Variants in EML4 observed in about 807,000 individuals in gnomAD.
EML4 encodes EMAP like 4.
EML4 carries 72 observed loss-of-function variants against 129.0 expected under a neutral mutation model. That is an observed-to-expected ratio of 0.56 (90% CI 0.46 to 0.68). The LOEUF is 0.68. Among genes scored for constraint, EML4 ranks in the 30% least tolerant of loss-of-function variants. The probability of loss-of-function intolerance (pLI) is 0.00; values close to 1 mark genes in which losing one functional copy is unlikely to be tolerated. For synonymous variants in EML4, 532 were observed against 405.0 expected, an observed-to-expected ratio of 1.31 and a Z score of -3.77; for missense variants, 1,363 against 1,190.6, an observed-to-expected ratio of 1.14 and a Z score of -2.13.
At position 42,282,752 on chromosome 2, in the gene EML4, G is replaced by C. The variant is rs186824337; in HGVS notation, c.792-71G>C. ...TCATTGTACCTTCCTAATTCCTTAA[G>C]TATCCATGAAAAATCTGTTAACAAC... is the stretch of plus-strand genomic sequence containing the variant. On this transcript the variant is annotated intron_variant, in intron 7 of 22. Coordinates refer to ENST00000318522, the MANE Select transcript of EML4 (RefSeq NM_019063.5). 6.8e-6 allele frequency: 9 copies of C among 1,321,514 alleles called. No individual in the cohort carries two copies. In the Admixed American group the frequency reaches 1.5e-4, roughly 22 times the overall value. The allele number at this position is 1,321,514 out of a possible 1,614,324, so 81.9% of individuals were successfully genotyped here.
In EML4 at chr2:42,235,505, G is replaced by C. The variant is rs549061307; in HGVS notation, c.26-10000G>C. On this transcript the variant is annotated intron_variant, in intron 1 of 22. Coordinates refer to ENST00000318522, the MANE Select transcript of EML4 (RefSeq NM_019063.5). ...AACACTATACACAGTGTGTGGTATTGTTACTAGTTTCTCATGGTCTTCACT... is the reference window on the plus strand; with the variant it reads ...AACACTATACACAGTGTGTGGTATTCTTACTAGTTTCTCATGGTCTTCACT... 9.2e-5 allele frequency among the ~76,000 whole-genome samples: 14 copies of C among 152,172 alleles called. 1 individual carries two copies. The highest frequency in any genetic ancestry group is 6.5e-5 in the Admixed American group (1 of 15,284).
intron 1 of EML4, among the ~76,000 whole-genome samples, chr2:42,240,399 A>G (rs974304510): frequency 3.2e-4 from 48 of 152,194 alleles, no homozygotes; most frequent in East Asian, 1.7e-3. Flanking sequence ...GTACTTCACA[A>G]CTTCTTTCTG....
intron 2 of EML4, among the ~76,000 whole-genome samples, chr2:42,253,389 T>C (rs184188839): frequency 3.9e-5 from 6 of 152,342 alleles, no homozygotes; most frequent in Non-Finnish European, 1.5e-5. Flanking sequence ...TTACGATGCA[T>C]ATTACAATTG....
At chr2:42,263,334 C>CT (rs1665849942) in intron 5 of EML4, 28 bp downstream of exon 5, 1 of 1,545,676 alleles carries the variant, frequency 6.5e-7, no homozygotes, top group Non-Finnish European at 8.8e-7. Context: ...TTCATTATAT[C>CT]TGAAAAGTAA....
Position 42,214,263 on chromosome 2 carries a change from A to G in EML4, c.26-31242A>G, listed in dbSNP as rs549588494. Among the ~76,000 whole-genome samples, 17 of 152,346 alleles carry G rather than the reference A, an allele frequency of 1.1e-4. No homozygotes were observed. The South Asian group carries it at 1.9e-3, about 17-fold the overall frequency. On this transcript the variant is annotated intron_variant, in intron 1 of 22. Coordinates refer to ENST00000318522, the MANE Select transcript of EML4 (RefSeq NM_019063.5). ...GTCTAGTACATTTACTCATATGAATATCATCCAAAGTATAAAAAATTAATG... is the reference window on the plus strand; with the variant it reads ...GTCTAGTACATTTACTCATATGAATGTCATCCAAAGTATAAAAAATTAATG...
At chr2:42,176,472 C>G (rs188809772) in intron 1 of EML4, among the ~76,000 whole-genome samples, 1 of 152,306 alleles carries the variant, frequency 6.6e-6, no homozygotes, top group East Asian at 1.9e-4. Context: ...AACATCTTCT[C>G]AAGTCCTCTG....
chr2:42,181,335 A>G (rs532388602), intron 1 of EML4, among the ~76,000 whole-genome samples: 30 of 152,044 alleles, frequency 2.0e-4, no homozygotes, highest in South Asian at 1.0e-3. Context: ...GTCTCACTCT[A>G]TTGCCCAGAC....
intron 2 of EML4, among the ~76,000 whole-genome samples, chr2:42,250,363 G>T (rs536998820): frequency 5.3e-4 from 80 of 152,158 alleles, no homozygotes; most frequent in Non-Finnish European, 2.1e-4. Context: ...AATAACATTT[G>T]GGAGGATTCA....
chr2:42,303,541 C>T, intron 16 of EML4, 95 bp downstream of exon 16: 1 of 1,344,452 alleles, frequency 7.4e-7, no homozygotes, highest in Non-Finnish European at 1.0e-6. Flanking sequence ...AGTGTTGATT[C>T]AAACCAAATG....
At chr2:42,277,015 T>C (rs1666695175) in intron 6 of EML4, among the ~76,000 whole-genome samples, 1 of 152,194 alleles carries the variant, frequency 6.6e-6, no homozygotes, top group African/African-American at 2.4e-5. Flanking sequence ...ATACCCAATA[T>C]GGTGTTCTGA....
At chr2:42,221,723 C>A (rs1673615300) in intron 1 of EML4, among the ~76,000 whole-genome samples, 2 of 151,976 alleles carry the variant, frequency 1.3e-5, no homozygotes, top group Non-Finnish European at 2.9e-5. Context: ...CCTGCCTCAG[C>A]CTCCTCGGTA....
intron 1 of EML4, among the ~76,000 whole-genome samples, chr2:42,175,345 C>A (rs1670539465): frequency 6.6e-6 from 1 of 151,268 alleles, no homozygotes; most frequent in Non-Finnish European, 1.5e-5. Flanking sequence ...GATCGCCTGA[C>A]CTTGTTATTC....
At chr2:42,264,073 C>T (rs1216541657) in intron 5 of EML4, among the ~76,000 whole-genome samples, 2 of 144,110 alleles carry the variant, frequency 1.4e-5, no homozygotes, top group Non-Finnish European at 3.0e-5. Context: ...TTGTATCTAC[C>T]TTTTAAGGCT....
At position 42,256,521 on chromosome 2, in the gene EML4, G is replaced by T; in HGVS notation, c.229G>T (p.Val77Phe). The change falls in exon 3 of 23, where the codon GTT becomes TTT. Residue 77 changes from valine to phenylalanine, a missense_variant. Val to Phe is a conservative substitution (Grantham distance 50). Transcript: ENST00000318522. ...SSKGQPSPRA[V>F]IPMSCITNGS... is the part of the protein sequence containing the mutation. ...TTTAGGCCAACCAAGCCCTCGAGCA[G>T]TTATTCCCATGTCCTGTATAACCAA... 1 of 1,607,908 alleles carries T rather than the reference G, an allele frequency of 6.2e-7. No individual in the cohort carries two copies.
chr2:42,212,097 C>T (rs1443212516), intron 1 of EML4, among the ~76,000 whole-genome samples: 5 of 152,114 alleles, frequency 3.3e-5, no homozygotes. Flanking sequence ...CTGCCTGCCT[C>T]AGCCCTCTAA....
At chr2:42,215,181 C>G (rs1290967086) in intron 1 of EML4, among the ~76,000 whole-genome samples, 1 of 152,062 alleles carries the variant, frequency 6.6e-6, no homozygotes, top group African/African-American at 2.4e-5. Flanking sequence ...CACTGCAGCC[C>G]CCTAAGTAGC....
chr2:42,186,646 G>A (rs1292204757), intron 1 of EML4, among the ~76,000 whole-genome samples: 1 of 152,046 alleles, frequency 6.6e-6, no homozygotes, highest in Non-Finnish European at 1.5e-5. Context: ...TGCTCCTTTG[G>A]GGATTTGTCT....
Position 42,261,227 on chromosome 2 carries a change from C to G in EML4, c.445C>G (p.Pro149Ala). Residue 149 changes from proline (P) to alanine (A), a missense_variant, in exon 4 of 23, where the codon CCC (proline) becomes GCC (alanine). Transcript: ENST00000318522. Reference protein sequence around the residue: ...PQIRASPSPQPSSQPLQIHRQ... With the variant: ...PQIRASPSPQASSQPLQIHRQ... ...AATTCGAGCATCACCTTCTCCCCAG[C>G]CCTCTTCACAACCTCTCCAAATACA... 2 of 1,613,984 alleles carry G rather than the reference C, an allele frequency of 1.2e-6. No homozygotes were observed. The highest frequency in any genetic ancestry group is 1.7e-6 in the Non-Finnish European group (2 of 1,179,936).
chr2:42,222,120 A>G (rs747568778), intron 1 of EML4, among the ~76,000 whole-genome samples: 3 of 152,088 alleles, frequency 2.0e-5, no homozygotes, highest in Non-Finnish European at 4.4e-5. Context: ...GTGATTTCTG[A>G]TTATGGAGAA....
Sources: allele counts gnomAD v4.1 joint callset (sites outside exome capture counted in the v4.1 genomes callset), GRCh38; gene constraint gnomAD v4.1.1; transcripts MANE v1.5; gene names NCBI Gene and HGNC (gene_info 2026-07-23, HGNC 2026-07-21).